Variants in INPP4B observed in about 807,000 individuals in gnomAD.
INPP4B encodes inositol polyphosphate 4-phosphatase type II.
Under a neutral mutation model 122.5 loss-of-function variants are expected in INPP4B, and 55 were observed. The ratio of observed to expected loss-of-function variants is 0.45; its 90% CI spans 0.36 to 0.56. INPP4B has a LOEUF of 0.56. Among genes scored for constraint, INPP4B ranks in the 20% least tolerant of loss-of-function variants. INPP4B has a pLI of 0.00. For missense variants in INPP4B, 1,000 were observed against 1,097.7 expected, an observed-to-expected ratio of 0.91 and a Z score of 1.26; for synonymous variants, 403 against 388.7, an observed-to-expected ratio of 1.04 and a Z score of -0.43.
At chr4:142,743,742 A>G (rs776760888) in intron 1 of INPP4B, among the ~76,000 whole-genome samples, 18 of 152,012 alleles carry the variant, frequency 1.2e-4, no homozygotes, top group Non-Finnish European at 2.2e-4. Context: ...GACAAGATCT[A>G]CAGGAGACAT....
chr4:142,054,244 C>A (rs1247924929), intron 25 of INPP4B, among the ~76,000 whole-genome samples: 2 of 151,678 alleles, frequency 1.3e-5, no homozygotes, highest in Admixed American at 1.3e-4. Flanking sequence ...TATGCCCAAC[C>A]ACAACACCCT....
chr4:142,677,334 C>T (rs185612338), intron 2 of INPP4B, among the ~76,000 whole-genome samples: 1 of 152,160 alleles, frequency 6.6e-6, no homozygotes, highest in African/African-American at 2.4e-5. Flanking sequence ...ATTAAAAAGT[C>T]AGGAAACAAC....
intron 2 of INPP4B, among the ~76,000 whole-genome samples, chr4:142,720,599 C>T (rs1764399016): frequency 6.6e-6 from 1 of 150,824 alleles, no homozygotes; most frequent in Non-Finnish European, 1.5e-5. Context: ...TGTTTTACTG[C>T]ATTGTCTTTT....
At chr4:142,683,666 A>T (rs1029340790) in intron 2 of INPP4B, among the ~76,000 whole-genome samples, 3 of 151,756 alleles carry the variant, frequency 2.0e-5, no homozygotes. Flanking sequence ...ACTCTTGGGA[A>T]TGAAGCCAGA....
chr4:142,564,258 T>C (rs1033202509), intron 2 of INPP4B, among the ~76,000 whole-genome samples: 14 of 151,958 alleles, frequency 9.2e-5, no homozygotes, highest in African/African-American at 2.4e-4. Flanking sequence ...CCAGGAAGGC[T>C]TGGAGCAGAG....
At chr4:142,471,366 G>C (rs1292507578) in intron 2 of INPP4B, among the ~76,000 whole-genome samples, 1 of 151,954 alleles carries the variant, frequency 6.6e-6, no homozygotes, top group Non-Finnish European at 1.5e-5. Context: ...TCAATGTGTT[G>C]GCAGTAGTTA....
intron 2 of INPP4B, among the ~76,000 whole-genome samples, chr4:142,498,178 T>A (rs1317350660): frequency 6.6e-5 from 10 of 151,166 alleles, no homozygotes; most frequent in Non-Finnish European, 1.5e-4. Context: ...TATGTATACA[T>A]ACATATGTAT....
chr4:142,305,047 C>T (rs984133573), intron 9 of INPP4B, among the ~76,000 whole-genome samples: 4 of 152,018 alleles, frequency 2.6e-5, no homozygotes, highest in African/African-American at 9.7e-5. Context: ...AAAGAATAAT[C>T]AGCTTACTCT....
At chr4:142,372,859 T>C (rs1790419570) in intron 7 of INPP4B, among the ~76,000 whole-genome samples, 1 of 152,028 alleles carries the variant, frequency 6.6e-6, no homozygotes. Context: ...CTACACTGAC[T>C]CCTGCTGCCT....
intron 1 of INPP4B, among the ~76,000 whole-genome samples, chr4:142,790,199 A>G (rs1776344769): frequency 1.3e-5 from 2 of 152,176 alleles, no homozygotes; most frequent in Admixed American, 6.6e-5. Context: ...AGAACCCAAA[A>G]GCAAATCCAA....
In INPP4B at chr4:142,322,466, C is replaced by G. The variant is rs74474471; in HGVS notation, c.373-7704G>C. 3.7e-3 allele frequency among the ~76,000 whole-genome samples: 556 copies of G among 152,126 alleles called. 1 individual carries two copies. The highest frequency in any genetic ancestry group is 0.013 in the African/African-American group (528 of 41,490). On this transcript the variant is annotated intron_variant, in intron 7 of 25. Coordinates refer to ENST00000262992, the MANE Select transcript of INPP4B (RefSeq NM_001101669.3). ...TAGGTAAAATTAATGAAAGGAGTGGCCTGGGTGTTTGAGACAATAGGAATT... is the reference window on the plus strand; with the variant it reads ...TAGGTAAAATTAATGAAAGGAGTGGGCTGGGTGTTTGAGACAATAGGAATT...
chr4:142,188,506 AAAAAG>A (rs1256836710), intron 15 of INPP4B, among the ~76,000 whole-genome samples: 2,985 of 105,556 alleles, frequency 0.028, 191 homozygotes, highest in African/African-American at 0.1. Flanking sequence ...AAAAAAAAAA[AAAAAG>A]AAAAAAAATA....
intron 23 of INPP4B, among the ~76,000 whole-genome samples, chr4:142,092,958 T>A (rs1780225733): frequency 6.6e-6 from 1 of 152,184 alleles, no homozygotes. Flanking sequence ...TCAGGTTGAA[T>A]CTGGGTGGGC....
At chr4:142,039,966 C>T (rs1185121278) in intron 25 of INPP4B, among the ~76,000 whole-genome samples, 1 of 151,706 alleles carries the variant, frequency 6.6e-6, no homozygotes, top group Non-Finnish European at 1.5e-5. Context: ...GTACTGGAAG[C>T]AATAGCTGCC....
At chr4:142,742,093 T>C (rs761871043) in intron 1 of INPP4B, among the ~76,000 whole-genome samples, 19 of 151,950 alleles carry the variant, frequency 1.3e-4, no homozygotes, top group Admixed American at 3.9e-4. Flanking sequence ...AGATTGACTC[T>C]TGGTGCCCTA....
intron 2 of INPP4B, among the ~76,000 whole-genome samples, chr4:142,657,540 T>C (rs1357383687): frequency 6.6e-6 from 1 of 152,172 alleles, no homozygotes; most frequent in Non-Finnish European, 1.5e-5. Flanking sequence ...ACATGCAGGG[T>C]GTGTAAGAAC....
chr4:142,410,351 A>T (rs952899396), intron 5 of INPP4B, among the ~76,000 whole-genome samples: 1 of 152,174 alleles, frequency 6.6e-6, no homozygotes, highest in Non-Finnish European at 1.5e-5. Context: ...CTTTCCCCCT[A>T]AGAAAACTTT....
intron 2 of INPP4B, among the ~76,000 whole-genome samples, chr4:142,658,255 G>A (rs757228197): frequency 6.6e-6 from 1 of 152,116 alleles, no homozygotes; most frequent in Non-Finnish European, 1.5e-5. Context: ...ACTGTAATAG[G>A]TGCTCTTAAA....
intron 2 of INPP4B, among the ~76,000 whole-genome samples, chr4:142,614,129 AG>A (rs1429738658): frequency 3.9e-5 from 6 of 152,168 alleles, no homozygotes; most frequent in Non-Finnish European, 7.3e-5. Context: ...AGGCTGAGGC[AG>A]GAGAATCACT....
Sources: allele counts gnomAD v4.1 joint callset (sites outside exome capture counted in the v4.1 genomes callset), GRCh38; gene constraint gnomAD v4.1.1; transcripts MANE v1.5; gene names NCBI Gene and HGNC (gene_info 2026-07-23, HGNC 2026-07-21).